Variants in ADAM28 observed in about 807,000 individuals in gnomAD.
ADAM28 encodes ADAM metallopeptidase domain 28, also known as disintegrin and metalloproteinase domain-containing protein 28.
Under a neutral mutation model 101.2 loss-of-function variants are expected in ADAM28, and 105 were observed. The ratio of observed to expected loss-of-function variants is 1.04; its 90% CI spans 0.89 to 1.22. The LOEUF (loss-of-function observed/expected upper bound fraction) is 1.22, where lower values mean the gene tolerates loss of function less well. Among genes scored for constraint, ADAM28 ranks in the 50% most tolerant of loss-of-function variants. ADAM28 has a pLI of 0.00. For missense variants in ADAM28, 1,028 were observed against 945.4 expected, an observed-to-expected ratio of 1.09 and a Z score of -1.15; for synonymous variants, 322 against 310.6, an observed-to-expected ratio of 1.04 and a Z score of -0.39.
chr8:24,321,339 T>C, intron 8 of ADAM28, 50 bp downstream of exon 8: 2 of 1,430,764 alleles, frequency 1.4e-6, no homozygotes, highest in Non-Finnish European at 2.0e-6. Context: ...CTGGGAGATG[T>C]CACTGGGTTT....
chr8:24,342,761 G>A (rs75228134), intron 16 of ADAM28, among the ~76,000 whole-genome samples: 3 of 152,058 alleles, frequency 2.0e-5, no homozygotes, highest in Non-Finnish European at 4.4e-5. Flanking sequence ...GAAGTACTGG[G>A]ACTAGGGCAG....
intron 6 of ADAM28, among the ~76,000 whole-genome samples, chr8:24,319,273 C>T (rs761359942): frequency 4.5e-4 from 69 of 151,920 alleles, no homozygotes; most frequent in Non-Finnish European, 8.1e-4. Flanking sequence ...GAGAATTTCA[C>T]CTATTCTGAA....
intron 13 of ADAM28, among the ~76,000 whole-genome samples, chr8:24,333,214 T>C (rs934991858): frequency 2.0e-5 from 3 of 152,168 alleles, no homozygotes; most frequent in African/African-American, 4.8e-5. Flanking sequence ...GTTACAGTTA[T>C]GTAGCATGAG....
intron 5 of ADAM28, among the ~76,000 whole-genome samples, chr8:24,312,239 C>T (rs1025006503): frequency 1.3e-5 from 2 of 152,098 alleles, no homozygotes; most frequent in Non-Finnish European, 2.9e-5. Context: ...AAAGAAACCT[C>T]AATCTCAGTA....
chr8:24,357,706 C>CAGAT lies in ADAM28; in HGVS notation c.*3305_*3308dup, dbSNP rs1292480683. On this transcript the variant is annotated 3_prime_UTR_variant, in exon 23 of 23. Coordinates refer to ENST00000265769, the MANE Select transcript of ADAM28 (RefSeq NM_014265.6). The stretch of plus-strand genomic sequence containing the variant: ...AAACCATATAATGTTTTAAATGCTC[C>CAGAT]AGATAGGTTTAGGTAAAATTAACTA... The CAGAT allele has an allele frequency of 9.2e-5, 14 of 152,070 alleles. No individual in the cohort carries two copies. Among genetic ancestry groups the CAGAT allele is most frequent in the African/African-American group, 3.4e-4 (14 of 41,434 alleles). The allele number at this position is 152,070 out of a possible 1,614,324, so 9.4% of individuals were successfully genotyped here.
At chr8:24,305,452 T>C (rs1033964156) in intron 2 of ADAM28, among the ~76,000 whole-genome samples, 9 of 94,072 alleles carry the variant, frequency 9.6e-5, no homozygotes, top group Non-Finnish European at 1.5e-4. Flanking sequence ...AAGAGGTTTC[T>C]TTTTTTTTTT....
At chr8:24,307,988 T>C (rs1809927692) in intron 2 of ADAM28, among the ~76,000 whole-genome samples, 1 of 152,192 alleles carries the variant, frequency 6.6e-6, no homozygotes, top group African/African-American at 2.4e-5. Flanking sequence ...ATTTCCTGTG[T>C]GCCCATTGAC....
At position 24,306,280 on chromosome 8, in the gene ADAM28, G is replaced by T. The variant is rs200781333; in HGVS notation, c.151-3614G>T. 6.0e-5 allele frequency among the ~76,000 whole-genome samples: 9 copies of T among 149,974 alleles called. No individual in the cohort carries two copies. In the East Asian group the frequency reaches 1.8e-3, roughly 30 times the overall value. ...ATCACTTGAACCCTGGGAGGCAGAG[G>T]TGGCAGTGAGCTGAGATCATGCCAC... On this transcript the variant is annotated intron_variant, in intron 2 of 22. Coordinates refer to ENST00000265769, the MANE Select transcript of ADAM28 (RefSeq NM_014265.6).
intron 2 of ADAM28, 43 bp from the exon 3 acceptor site, chr8:24,309,850 GA>G (rs1173474854): frequency 7.4e-7 from 1 of 1,352,166 alleles, no homozygotes; most frequent in Admixed American, 1.8e-5. Context: ...ATAGTCAAAT[GA>G]ATATGTTTTT....
At chr8:24,298,076 A>G (rs1808211026) in intron 1 of ADAM28, among the ~76,000 whole-genome samples, 1 of 152,188 alleles carries the variant, frequency 6.6e-6, no homozygotes, top group Non-Finnish European at 1.5e-5. Context: ...TGACTCTTGA[A>G]AGAGGTTATA....
In ADAM28 at chr8:24,339,522, G is replaced by T. The variant is rs191658345; in HGVS notation, c.1624G>T (p.Gly542Trp). The T allele has an allele frequency of 1.1e-4, 171 of 1,613,154 alleles. No individual in the cohort carries two copies. Among genetic ancestry groups the T allele is most frequent in the Middle Eastern group, 6.6e-4 (4 of 6,060 alleles). The change falls in exon 15 of 23, where the codon GGG becomes TGG. Residue 542 changes from glycine (G) to tryptophan (W), a missense_variant. Transcript: ENST00000265769. ...CAGGAATGAAGGTGGGTCAAAGTAC[G>T]GGTACTGTCGCAGAGTGGATGACAC... is the stretch of plus-strand genomic sequence containing the variant. ...YNRNEGGSKY[G>W]YCRRVDDTLI...
chr8:24,346,964 G>A (rs1815477004), intron 18 of ADAM28: 1 of 152,004 alleles, frequency 6.6e-6, no homozygotes, highest in African/African-American at 2.4e-5. Flanking sequence ...ACTGTCACCA[G>A]AGACATACAT....
chr8:24,336,068 G>A (rs1286413575), intron 14 of ADAM28: 3 of 991,862 alleles, frequency 3.0e-6, no homozygotes, highest in Non-Finnish European at 3.6e-6. Flanking sequence ...GTGCAGGGGT[G>A]GCAGAAGTAC....
intron 18 of ADAM28, among the ~76,000 whole-genome samples, chr8:24,349,654 G>A (rs1815831582): frequency 6.6e-6 from 1 of 151,986 alleles, no homozygotes; most frequent in Admixed American, 6.6e-5. Context: ...CATGTTAAAT[G>A]TTTCCTATAG....
At chr8:24,327,995 A>G (rs1297601379) in intron 10 of ADAM28, among the ~76,000 whole-genome samples, 1 of 152,098 alleles carries the variant, frequency 6.6e-6, no homozygotes, top group East Asian at 1.9e-4. Flanking sequence ...CATTTGTACA[A>G]CAAACCCCCA....
Position 24,335,548 on chromosome 8 carries a change from G to T in ADAM28, c.1474G>T (p.Val492Phe). The part of the protein sequence containing the change: ...SGNCPDDRFQ[V>F]NGFPCHHGKG... Reference sequence around the variant, plus strand: ...TAATTGTCCTGATGATAGATTCCAAGTCAATGGCTTCCCTTGCCATCACGG... The same window carrying T: ...TAATTGTCCTGATGATAGATTCCAATTCAATGGCTTCCCTTGCCATCACGG... The change falls in exon 14 of 23, where the codon GTC becomes TTC. Residue 492 changes from valine (V) to phenylalanine (F), a missense_variant. Val to Phe is a conservative substitution (Grantham distance 50). Coordinates refer to ENST00000265769, the MANE Select transcript of ADAM28 (RefSeq NM_014265.6). 6.2e-7 allele frequency: 1 copy of T among 1,614,118 alleles called. No individual in the cohort carries two copies. The highest frequency in any genetic ancestry group is 8.5e-7 in the Non-Finnish European group (1 of 1,180,000).
At chr8:24,324,194 A>C (rs1812252968) in intron 9 of ADAM28, among the ~76,000 whole-genome samples, 191 bp downstream of exon 9, 1 of 151,922 alleles carries the variant, frequency 6.6e-6, no homozygotes, top group South Asian at 2.1e-4. Flanking sequence ...ATAATTTGGC[A>C]ATAATTTATA....
At chr8:24,327,290 A>G (rs1460814148) in intron 10 of ADAM28, among the ~76,000 whole-genome samples, 3 of 152,136 alleles carry the variant, frequency 2.0e-5, no homozygotes, top group Non-Finnish European at 1.5e-5. Context: ...CCCATTCACA[A>G]TTACTACAAA....
intron 3 of ADAM28, 68 bp from the exon 4 acceptor site, chr8:24,310,095 C>A: frequency 6.4e-7 from 1 of 1,561,094 alleles, no homozygotes. Context: ...TCTCAAATGA[C>A]TTGAGAATTT....
Sources: allele counts gnomAD v4.1 joint callset (sites outside exome capture counted in the v4.1 genomes callset), GRCh38; gene constraint gnomAD v4.1.1; transcripts MANE v1.5; gene names NCBI Gene and HGNC (gene_info 2026-07-23, HGNC 2026-07-21).